SLC2A2: variants seen among roughly 807,000 people sequenced by gnomAD.
SLC2A2 encodes solute carrier family 2 member 2.
In SLC2A2, 36 loss-of-function variants were observed where a neutral mutation model predicts 54.5. The ratio of observed to expected loss-of-function variants is 0.66; its 90% confidence interval spans 0.51 to 0.87. The LOEUF (loss-of-function observed/expected upper bound fraction) is 0.87, where lower values mean the gene tolerates loss of function less well. Among genes scored for constraint, SLC2A2 ranks in the 40% least tolerant of loss-of-function variants. The pLI is 0.00. For synonymous variants in SLC2A2, 223 were observed against 219.1 expected, an observed-to-expected ratio of 1.02 and a Z score of -0.16; for missense variants, 543 against 624.3, an observed-to-expected ratio of 0.87 and a Z score of 1.39.
At chr3:171,026,175 G>T (rs183200187) in intron 1 of SLC2A2, among the ~76,000 whole-genome samples, 1 of 152,060 alleles carries the variant, frequency 6.6e-6, no homozygotes, top group Non-Finnish European at 1.5e-5. Flanking sequence ...ATTTCCCAAC[G>T]TCTCCATAGT....
intron 9 of SLC2A2, 44 bp downstream of exon 9, chr3:170,999,021 C>G (rs773092239): frequency 4.1e-6 from 5 of 1,213,006 alleles, no homozygotes; most frequent in Non-Finnish European, 6.1e-6. Context: ...TGCCAGGTAC[C>G]ATCATATGTT....
intron 7 of SLC2A2, among the ~76,000 whole-genome samples, chr3:171,004,448 G>C (rs1234100809): frequency 6.6e-6 from 1 of 151,906 alleles, no homozygotes; most frequent in Non-Finnish European, 1.5e-5. Flanking sequence ...TGTTTCAATG[G>C]ATGGGAATTA....
At chr3:171,006,258 TTAAC>T (rs770002385) in intron 5 of SLC2A2, among the ~76,000 whole-genome samples, 153 bp from the exon 6 acceptor site, 5 of 151,254 alleles carry the variant, frequency 3.3e-5, no homozygotes, top group African/African-American at 7.4e-5. Flanking sequence ...GTATCTCACT[TTAAC>T]TAAATTAGGA....
At chr3:171,009,821 A>G (rs1200438391) in intron 4 of SLC2A2, 137 bp downstream of exon 4, 3 of 1,229,166 alleles carry the variant, frequency 2.4e-6, no homozygotes, top group Admixed American at 4.3e-5. Context: ...ACTTTATGCT[A>G]TTGCCTTTCC....
At position 171,026,612 on chromosome 3, in the gene SLC2A2, A is replaced by G. The variant is rs1359367164; in HGVS notation, c.15+44T>C. ...ATGACTTGACTGTATTCCCCTAACTATCTCCTGAAAACCAGACTTGAAATG... is the reference window on the plus strand; with the variant it reads ...ATGACTTGACTGTATTCCCCTAACTGTCTCCTGAAAACCAGACTTGAAATG... On this transcript the variant is annotated intron_variant, in intron 1 of 10. Transcript: ENST00000314251. 14 of 1,567,182 alleles carry G rather than the reference A, an allele frequency of 8.9e-6. No homozygotes were observed. The Admixed American group carries it at 1.5e-4, about 17-fold the overall frequency.
intron 5 of SLC2A2, among the ~76,000 whole-genome samples, chr3:171,006,567 A>G (rs1715612449): frequency 6.6e-6 from 1 of 151,988 alleles, no homozygotes; most frequent in Non-Finnish European, 1.5e-5. Context: ...GGTTTTATAG[A>G]TAGAACAATT....
At chr3:171,022,664 C>A (rs75776695) in intron 1 of SLC2A2, among the ~76,000 whole-genome samples, 2,880 of 152,256 alleles carry the variant, frequency 0.019, 52 homozygotes, top group Non-Finnish European at 0.031. Context: ...CTGCTTCATC[C>A]CTGGATTTCT....
In SLC2A2 at chr3:171,014,547, G is replaced by A. The variant is rs1716037949; in HGVS notation, c.293C>T (p.Ser98Phe). The change falls in exon 3 of 11, where the codon TCC (serine) becomes TTC (phenylalanine). Residue 98 changes from serine to phenylalanine, a missense_variant. Physicochemically the swap from Ser to Phe is radical, Grantham distance 155. Around this residue, in one of 3 missense-constraint regions of SLC2A2, gnomAD observed 318 missense variants for 343.8 expected, o/e 0.93. Transcript: ENST00000314251. Reference protein sequence around the residue: ...AAAQLITMLWSLSVSSFAVGG... With the variant: ...AAAQLITMLWFLSVSSFAVGG... Reference sequence around the variant, plus strand: ...AACTGCAAAGCTGGATACAGACAGGGACCAGAGCATGGTGATTAGTTGAGC... The same window carrying A: ...AACTGCAAAGCTGGATACAGACAGGAACCAGAGCATGGTGATTAGTTGAGC... 6.2e-7 allele frequency: 1 copy of A among 1,614,128 alleles called. No individual in the cohort carries two copies. The highest frequency in any genetic ancestry group is 8.5e-7 in the Non-Finnish European group (1 of 1,179,994).
intron 1 of SLC2A2, among the ~76,000 whole-genome samples, chr3:171,020,940 CTT>C (rs1343981407): frequency 4.0e-5 from 6 of 150,644 alleles, no homozygotes; most frequent in Non-Finnish European, 5.9e-5. Flanking sequence ...ATATTTATCA[CTT>C]ATATATATCA....
In SLC2A2 at chr3:170,997,781, G is replaced by T; in HGVS notation, c.*122C>A. Reference sequence around the variant, plus strand: ...GGTAATATTTGATGACATTTCTGATGAGAGCACATAAAAATAAAACAATAC... The same window carrying T: ...GGTAATATTTGATGACATTTCTGATTAGAGCACATAAAAATAAAACAATAC... On this transcript the variant is annotated 3_prime_UTR_variant, in exon 11 of 11. Coordinates refer to ENST00000314251, the MANE Select transcript of SLC2A2 (RefSeq NM_000340.2). 1 of 820,998 alleles carries T rather than the reference G, an allele frequency of 1.2e-6. No homozygotes were observed. 50.9% of individuals were successfully genotyped at this position (820,998 alleles called of 1,614,324 possible).
Position 171,007,241 on chromosome 3 carries a change from A to G in SLC2A2, c.519T>C (p.Pro173=), listed in dbSNP as rs1715659049. The G allele has an allele frequency of 3.1e-6, 5 of 1,610,856 alleles. No individual in the cohort carries two copies. The highest frequency in any genetic ancestry group is 1.3e-5 in the African/African-American group (1 of 74,800). The change falls in exon 5 of 11, where the codon CCT becomes CCC. Residue 173 remains proline, a synonymous_variant. Transcript: ENST00000314251. ...LYCGLISGLV[P]MYIGEIAPTA... ...TTGGAGCAATTTCACCGATATACAT[A>G]GGAACCAGGCCTGAAATTAGCCCTG...
At chr3:171,007,872 C>T (rs79752070) in intron 4 of SLC2A2, among the ~76,000 whole-genome samples, 2,605 of 152,156 alleles carry the variant, frequency 0.017, 75 homozygotes, top group African/African-American at 0.059. Flanking sequence ...GGAAACCCAG[C>T]TTCTTTATTC....
chr3:171,012,324 A>G (rs1437338025), intron 3 of SLC2A2, among the ~76,000 whole-genome samples: 1 of 152,212 alleles, frequency 6.6e-6, no homozygotes, highest in Non-Finnish European at 1.5e-5. Context: ...ACAGCTATTA[A>G]GTGACAGATC....
intron 2 of SLC2A2, 78 bp from the exon 3 acceptor site, chr3:171,014,809 C>A: frequency 8.4e-7 from 1 of 1,190,862 alleles, no homozygotes; most frequent in Middle Eastern, 2.0e-4. Context: ...GTGTTTGTTA[C>A]GTGTTTAAAT....
Position 171,018,546 on chromosome 3 carries a change from G to T in SLC2A2, c.93C>A (p.Ile31=). The T allele has an allele frequency of 6.2e-7, 1 of 1,612,164 alleles. No individual in the cohort carries two copies. Among genetic ancestry groups the T allele is most frequent in the South Asian group, 1.1e-5 (1 of 91,022 alleles). ...SFQFGYDIGV[I]NAPQQVIISH... ...TTTCACTTGCCTGTTGAGGTGCATT[G>T]ATCACACCAATGTCATATCCAAACT... Residue 31 remains isoleucine (I), a synonymous_variant, in exon 2 of 11, where the codon ATC becomes ATA. Transcript: ENST00000314251.
chr3:171,003,451 G>A (rs533910207), intron 7 of SLC2A2, among the ~76,000 whole-genome samples: 1 of 150,168 alleles, frequency 6.7e-6, no homozygotes, highest in South Asian at 2.1e-4. Flanking sequence ...TGGGGGGGAG[G>A]GTGGGAGGCG....
chr3:171,010,391 A>C (rs942015898), intron 3 of SLC2A2, among the ~76,000 whole-genome samples: 8 of 152,154 alleles, frequency 5.3e-5, no homozygotes, highest in Non-Finnish European at 1.0e-4. Flanking sequence ...AGGCACCATC[A>C]TGGTTCATTG....
rs779065938 is a variant in SLC2A2, at chr3:171,007,180, G to C, written c.580C>G (p.Leu194Val). 2.5e-6 allele frequency: 4 copies of C among 1,612,302 alleles called. No homozygotes were observed. In the South Asian group the frequency reaches 4.4e-5, roughly 18 times the overall value. Residue 194 changes from leucine (L) to valine (V), a missense_variant, in exon 5 of 11, where the codon CTG becomes GTG. Leu to Val is a conservative substitution (Grantham distance 32). Transcript: ENST00000314251. ...LRGALGTFHQ[L>V]AIVTGILISQ... ...ATAAGAATGCCCGTGACGATGGCCA[G>C]CTGATGAAAAGTGCCAAGTGCTCCC...
intron 3 of SLC2A2, among the ~76,000 whole-genome samples, chr3:171,013,739 G>GA (rs1715995269): frequency 6.6e-6 from 1 of 152,152 alleles, no homozygotes; most frequent in Admixed American, 6.5e-5. Flanking sequence ...TCAAATAGGA[G>GA]AAAATCTAAA....
Sources: gnomAD v4.1 joint callset for allele counts (sites outside exome capture counted in the v4.1 genomes callset) on GRCh38, gnomAD v4.1.1 for gene constraint, gnomAD v4.1.1 regional missense constraint, MANE v1.5 for transcripts, NCBI Gene and HGNC (gene_info 2026-07-23, HGNC 2026-07-21) for gene names.